The following CNTN6 variants were observed in gnomAD, a reference collection of about 807,000 sequenced individuals.
CNTN6 encodes the protein contactin 6, also known as contactin-6.
In CNTN6, 137 loss-of-function variants were observed where a neutral mutation model predicts 122.8. The ratio of observed to expected loss-of-function variants is 1.12; its 90% CI spans 0.97 to 1.29. The LOEUF is 1.29. CNTN6 is among the 50% of genes most tolerant of loss of function. The probability of loss-of-function intolerance (pLI) is 0.00; values close to 1 mark genes in which losing one functional copy is unlikely to be tolerated. For synonymous variants in CNTN6, 570 were observed against 426.0 expected, an observed-to-expected ratio of 1.34 and a Z score of -4.16; for missense variants, 1,634 against 1,223.4, an observed-to-expected ratio of 1.34 and a Z score of -5.01.
intron 1 of CNTN6, among the ~76,000 whole-genome samples, chr3:1,127,232 A>G (rs1392851113): frequency 1.3e-5 from 2 of 151,772 alleles, no homozygotes; most frequent in Non-Finnish European, 2.9e-5. Flanking sequence ...GCACAGTTTA[A>G]TAATAATTAC....
At chr3:1,096,254 TGTG>T (rs1450708794) in intron 1 of CNTN6, among the ~76,000 whole-genome samples, 2 of 149,462 alleles carry the variant, frequency 1.3e-5, no homozygotes. Flanking sequence ...ATTCTTTTGT[TGTG>T]TGTGTGTGTG....
At chr3:1,252,176 G>C (rs913233563) in intron 4 of CNTN6, among the ~76,000 whole-genome samples, 2 of 152,086 alleles carry the variant, frequency 1.3e-5, no homozygotes, top group African/African-American at 4.8e-5. Context: ...TGCCTAGCTT[G>C]CCTTTCCCTT....
chr3:1,383,526 G>A, intron 19 of CNTN6, 118 bp downstream of exon 19: 1 of 752,152 alleles, frequency 1.3e-6, no homozygotes, highest in South Asian at 1.7e-5. Context: ...TGTGTCTAAA[G>A]CTAAAGCAGA....
chr3:1,254,504 T>G (rs563965613), intron 4 of CNTN6, among the ~76,000 whole-genome samples: 21 of 152,338 alleles, frequency 1.4e-4, no homozygotes, highest in African/African-American at 5.1e-4. Flanking sequence ...TATTTTTATT[T>G]ATATCCATCA....
intron 2 of CNTN6, among the ~76,000 whole-genome samples, chr3:1,165,381 A>G (rs3772368): frequency 1.1e-4 from 17 of 151,990 alleles, no homozygotes; most frequent in Admixed American, 1.0e-3. Context: ...TCATTTTGCA[A>G]ATGAGTTTCA....
intron 1 of CNTN6, among the ~76,000 whole-genome samples, chr3:1,120,129 G>A (rs889215928): frequency 1.4e-5 from 2 of 143,884 alleles, no homozygotes; most frequent in African/African-American, 4.9e-5. Context: ...ATTGATGGAT[G>A]TTTGGTTTTT....
intron 5 of CNTN6, among the ~76,000 whole-genome samples, chr3:1,279,650 A>G (rs1165570316): frequency 6.6e-6 from 1 of 152,236 alleles, no homozygotes; most frequent in Admixed American, 6.5e-5. Flanking sequence ...TGCAGTTGTT[A>G]TAATTGATTT....
At chr3:1,245,945 G>A (rs926096072) in intron 4 of CNTN6, among the ~76,000 whole-genome samples, 3 of 151,894 alleles carry the variant, frequency 2.0e-5, no homozygotes, top group Admixed American at 6.6e-5. Flanking sequence ...ATCTCATAAC[G>A]TTTTAAGAAA....
At chr3:1,100,474 T>C (rs1373049576) in intron 1 of CNTN6, among the ~76,000 whole-genome samples, 1 of 152,218 alleles carries the variant, frequency 6.6e-6, no homozygotes, top group Admixed American at 6.5e-5. Flanking sequence ...TTCACTGCAA[T>C]GTATGTAGTT....
At chr3:1,099,302 T>TG (rs1462686264) in intron 1 of CNTN6, among the ~76,000 whole-genome samples, 3 of 151,546 alleles carry the variant, frequency 2.0e-5, no homozygotes. Context: ...ATACAAAAAA[T>TG]TAGCAGGGTG....
chr3:1,401,357 C>T lies in CNTN6; in HGVS notation c.2705-76C>T. 2.1e-5 allele frequency: 24 copies of T among 1,146,758 alleles called. No individual in the cohort carries two copies. In the Admixed American group the frequency reaches 2.8e-4, roughly 13 times the overall value. 71.0% of individuals were successfully genotyped at this position (1,146,758 alleles called of 1,614,324 possible). A position where few individuals can be genotyped will look rare whatever the true frequency, so the allele number is the denominator to read the frequency against. ...GCAAATCATCGAAGACTTATTTTTTCTTTTCATGTTGATGCATCATACTTT... is the reference window on the plus strand; with the variant it reads ...GCAAATCATCGAAGACTTATTTTTTTTTTTCATGTTGATGCATCATACTTT... On this transcript the variant is annotated intron_variant, in intron 20 of 22. Coordinates refer to ENST00000446702, the MANE Select transcript of CNTN6 (RefSeq NM_001289080.2).
intron 1 of CNTN6, among the ~76,000 whole-genome samples, chr3:1,135,539 G>C (rs998937339): frequency 2.0e-5 from 3 of 152,134 alleles, no homozygotes; most frequent in Non-Finnish European, 4.4e-5. Flanking sequence ...TCTCAGGAGA[G>C]AGCTCAGAAC....
intron 2 of CNTN6, among the ~76,000 whole-genome samples, chr3:1,177,251 T>G (rs1015253880): frequency 3.3e-5 from 5 of 152,164 alleles, no homozygotes; most frequent in African/African-American, 9.6e-5. Flanking sequence ...TAAAAAATTT[T>G]GGGGGGTTTG....
chr3:1,114,989 T>A (rs1241984943), intron 1 of CNTN6, among the ~76,000 whole-genome samples: 2 of 152,118 alleles, frequency 1.3e-5, no homozygotes, highest in African/African-American at 2.4e-5. Flanking sequence ...GTCTGTCACT[T>A]AGACCTTCTT....
At chr3:1,331,544 G>T (rs1454815713) in intron 11 of CNTN6, among the ~76,000 whole-genome samples, 1 of 151,900 alleles carries the variant, frequency 6.6e-6, no homozygotes, top group Non-Finnish European at 1.5e-5. Flanking sequence ...AACAGATTTA[G>T]ATGTGAATTC....
At chr3:1,348,735 T>C (rs1260268098) in intron 11 of CNTN6, among the ~76,000 whole-genome samples, 1 of 152,000 alleles carries the variant, frequency 6.6e-6, no homozygotes, top group African/African-American at 2.4e-5. Context: ...ATGGTTAGAA[T>C]CTGAGCCCTC....
intron 4 of CNTN6, among the ~76,000 whole-genome samples, chr3:1,267,041 A>T (rs1177160775): frequency 7.4e-6 from 1 of 135,356 alleles, no homozygotes; most frequent in Non-Finnish European, 1.5e-5. Context: ...TCAGCCTCCC[A>T]GGTAGCTGGG....
chr3:1,146,607 T>C (rs775793166), intron 1 of CNTN6, among the ~76,000 whole-genome samples: 3 of 152,140 alleles, frequency 2.0e-5, no homozygotes, highest in Non-Finnish European at 4.4e-5. Context: ...GTAAGGTTTT[T>C]TTTGTTTTGT....
chr3:1,278,004 T>G (rs940173893), intron 4 of CNTN6, among the ~76,000 whole-genome samples: 2 of 152,210 alleles, frequency 1.3e-5, no homozygotes, highest in Non-Finnish European at 2.9e-5. Context: ...TAAATTCTCA[T>G]AGATGCCAGT....
Sources: gnomAD v4.1 joint callset for allele counts (sites outside exome capture counted in the v4.1 genomes callset) on GRCh38, gnomAD v4.1.1 for gene constraint, MANE v1.5 for transcripts, NCBI Gene and HGNC (gene_info 2026-07-23, HGNC 2026-07-21) for gene names.